Variants in ADGRB3 observed in about 807,000 individuals in gnomAD.
ADGRB3 encodes brain-specific angiogenesis inhibitor 3.
Under a neutral mutation model 193.4 loss-of-function variants are expected in ADGRB3, and 37 were observed. The ratio of observed to expected loss-of-function variants is 0.19; its 90% CI spans 0.15 to 0.25. The LOEUF (loss-of-function observed/expected upper bound fraction) is 0.25, where lower values mean the gene tolerates loss of function less well. Ranked by LOEUF, ADGRB3 falls within the 10% of genes least tolerant of loss-of-function variation. ADGRB3 has a pLI of 1.00. For synonymous variants in ADGRB3, 690 were observed against 644.2 expected (o/e 1.07, Z -1.08); for missense variants, 1,637 against 1,852.9 (o/e 0.88, Z 2.14).
At chr6:69,275,969 C>T (rs997806242) in intron 20 of ADGRB3, among the ~76,000 whole-genome samples, 5 of 152,182 alleles carry the variant, frequency 3.3e-5, no homozygotes, top group Admixed American at 1.3e-4. Flanking sequence ...AGCCATTCTC[C>T]TCTTTTCCTT....
chr6:68,951,524 C>T (rs1767919297), intron 6 of ADGRB3, among the ~76,000 whole-genome samples: 1 of 152,132 alleles, frequency 6.6e-6, no homozygotes, highest in African/African-American at 2.4e-5. Flanking sequence ...TCCTTATCAC[C>T]ACAGCTCCCC....
rs988774174 is a variant in ADGRB3 at position 68,848,501 on chromosome 6, A to T, written c.758-82058A>T. 3.4e-4 allele frequency among the ~76,000 whole-genome samples: 51 copies of T among 152,084 alleles called. 1 individual carries two copies. The highest frequency in any genetic ancestry group is 2.0e-4 in the Admixed American group (3 of 15,264). On this transcript the variant is annotated intron_variant, in intron 3 of 31. Coordinates refer to ENST00000370598, the MANE Select transcript of ADGRB3 (RefSeq NM_001704.3). Reference sequence around the variant, plus strand: ...GGGAGTGAAAAGTCATACAAAAAGCAAGTGGCTATGATTCTGCATTAATCT... The same window carrying T: ...GGGAGTGAAAAGTCATACAAAAAGCTAGTGGCTATGATTCTGCATTAATCT...
intron 3 of ADGRB3, among the ~76,000 whole-genome samples, chr6:68,879,721 T>G (rs1765686094): frequency 6.6e-6 from 1 of 152,114 alleles, no homozygotes; most frequent in African/African-American, 2.4e-5. Context: ...CCTGAGCTTA[T>G]CATTTTAGGA....
chr6:68,677,080 A>C (rs1451013620), intron 3 of ADGRB3, among the ~76,000 whole-genome samples: 1 of 152,188 alleles, frequency 6.6e-6, no homozygotes, highest in Non-Finnish European at 1.5e-5. Flanking sequence ...ACAGAGATAT[A>C]CATAAAGAGT....
At chr6:68,678,251 A>G (rs1317613541) in intron 3 of ADGRB3, among the ~76,000 whole-genome samples, 2 of 152,212 alleles carry the variant, frequency 1.3e-5, no homozygotes, top group African/African-American at 4.8e-5. Context: ...CAGCGTTTCC[A>G]TAAGACAACA....
intron 3 of ADGRB3, among the ~76,000 whole-genome samples, chr6:68,684,143 C>T (rs1304665618): frequency 6.6e-6 from 1 of 152,154 alleles, no homozygotes; most frequent in African/African-American, 2.4e-5. Flanking sequence ...CAATCTTTCT[C>T]TTGTTCTCAG....
chr6:68,692,650 A>T (rs1006197515), intron 3 of ADGRB3, among the ~76,000 whole-genome samples: 1 of 151,880 alleles, frequency 6.6e-6, no homozygotes, highest in Non-Finnish European at 1.5e-5. Context: ...CCAATAGGCA[A>T]TATTAGTCTC....
chr6:68,845,868 A>G (rs59045789), intron 3 of ADGRB3, among the ~76,000 whole-genome samples: 1 of 152,246 alleles, frequency 6.6e-6, no homozygotes, highest in African/African-American at 2.4e-5. Context: ...GATACCCCAA[A>G]ATGTGGAACT....
chr6:69,379,850 G>T (rs888254449), intron 30 of ADGRB3, among the ~76,000 whole-genome samples: 17 of 151,942 alleles, frequency 1.1e-4, no homozygotes, highest in African/African-American at 2.9e-4. Context: ...ATGTTTCTAG[G>T]TAACAAGGGC....
At chr6:69,341,946 T>C (rs1340527012) in intron 26 of ADGRB3, among the ~76,000 whole-genome samples, 1 of 152,166 alleles carries the variant, frequency 6.6e-6, no homozygotes, top group Non-Finnish European at 1.5e-5. Context: ...CAGAATAAGC[T>C]TGATAGATAG....
chr6:68,674,586 C>T (rs971292368), intron 3 of ADGRB3, among the ~76,000 whole-genome samples: 5 of 152,102 alleles, frequency 3.3e-5, no homozygotes, highest in Admixed American at 3.3e-4. Flanking sequence ...TACGGTACTA[C>T]TCTTGGTTTA....
At chr6:68,897,480 AT>A (rs1465137837) in intron 3 of ADGRB3, among the ~76,000 whole-genome samples, 1 of 77,524 alleles carries the variant, frequency 1.3e-5, no homozygotes, top group African/African-American at 5.3e-5. Context: ...GGAGGGAGGG[AT>A]GGAGGAAGGG....
At chr6:68,640,486 T>G (rs898499779) in intron 3 of ADGRB3, among the ~76,000 whole-genome samples, 2 of 152,256 alleles carry the variant, frequency 1.3e-5, no homozygotes, top group South Asian at 4.1e-4. Flanking sequence ...TTAAGGACAC[T>G]GCTGATACAT....
At chr6:69,237,166 C>T (rs561663975) in intron 19 of ADGRB3, among the ~76,000 whole-genome samples, 134 of 152,038 alleles carry the variant, frequency 8.8e-4, no homozygotes, top group Non-Finnish European at 1.8e-3. Context: ...AGAAGGATGC[C>T]ATTATACATG....
chr6:69,211,638 T>C (rs1765669777), intron 17 of ADGRB3, among the ~76,000 whole-genome samples: 1 of 152,212 alleles, frequency 6.6e-6, no homozygotes, highest in African/African-American at 2.4e-5. Context: ...CTCTCATTTA[T>C]ATTATATAAG....
At chr6:69,035,801 G>C (rs1439968543) in intron 13 of ADGRB3, among the ~76,000 whole-genome samples, 7 of 152,154 alleles carry the variant, frequency 4.6e-5, no homozygotes, top group Non-Finnish European at 8.8e-5. Flanking sequence ...AAGTGAAACT[G>C]TAAGTACAAT....
intron 18 of ADGRB3, among the ~76,000 whole-genome samples, chr6:69,234,429 A>C (rs1193303030): frequency 6.6e-6 from 1 of 152,060 alleles, no homozygotes; most frequent in Non-Finnish European, 1.5e-5. Context: ...TTGAAAAAAA[A>C]TCACAAAATA....
At chr6:69,106,390 G>A (rs1351900044) in intron 17 of ADGRB3, among the ~76,000 whole-genome samples, 1 of 151,968 alleles carries the variant, frequency 6.6e-6, no homozygotes, top group East Asian at 1.9e-4. Flanking sequence ...ACAGGTCTAG[G>A]TTGAAGTTAT....
At chr6:68,976,131 G>A (rs558942975) in intron 10 of ADGRB3, among the ~76,000 whole-genome samples, 3 of 152,032 alleles carry the variant, frequency 2.0e-5, no homozygotes, top group Non-Finnish European at 4.4e-5. Flanking sequence ...ATGTTTTGTT[G>A]TGCTTATATT....
Sources: gnomAD v4.1 joint callset for allele counts (sites outside exome capture counted in the v4.1 genomes callset) on GRCh38, gnomAD v4.1.1 for gene constraint, MANE v1.5 for transcripts, NCBI Gene and HGNC (gene_info 2026-07-23, HGNC 2026-07-21) for gene names.